Variants in POLR3G observed in about 807,000 individuals in gnomAD.
The protein encoded by POLR3G is DNA-directed RNA polymerase III subunit RPC7.
A neutral mutation model predicts 30.1 loss-of-function variants in POLR3G; 28 were observed. The ratio of observed to expected loss-of-function variants is 0.93; its 90% CI spans 0.69 to 1.27. The LOEUF (loss-of-function observed/expected upper bound fraction) is 1.27, where lower values mean the gene tolerates loss of function less well. Ranked by LOEUF, POLR3G falls within the 50% of genes most tolerant of loss-of-function variation. POLR3G has a pLI of 0.00. For missense variants in POLR3G, 254 were observed against 264.6 expected (o/e 0.96, Z 0.28); for synonymous variants, 79 against 82.5 (o/e 0.96, Z 0.23).
chr5:90,476,783 T>A (rs1750847963), intron 1 of POLR3G, among the ~76,000 whole-genome samples: 1 of 152,208 alleles, frequency 6.6e-6, no homozygotes, highest in Non-Finnish European at 1.5e-5. Context: ...TCTACATGGC[T>A]CTTTGCCTTA....
intron 6 of POLR3G, among the ~76,000 whole-genome samples, chr5:90,503,839 T>C (rs1015850686): frequency 6.6e-6 from 1 of 152,230 alleles, no homozygotes; most frequent in African/African-American, 2.4e-5. Flanking sequence ...TATTTCTGCA[T>C]AACAGGAGGC....
At chr5:90,491,160 T>C (rs1412573648) in intron 3 of POLR3G, among the ~76,000 whole-genome samples, 2 of 152,244 alleles carry the variant, frequency 1.3e-5, no homozygotes, top group African/African-American at 4.8e-5. Flanking sequence ...TTGCGATGTC[T>C]TCAAAGTTTG....
chr5:90,509,686 T>C (rs1022891576), intron 7 of POLR3G, among the ~76,000 whole-genome samples: 2 of 151,988 alleles, frequency 1.3e-5, no homozygotes, highest in African/African-American at 4.8e-5. Context: ...AAAAAGAACA[T>C]GGAGAGAGGC....
At chr5:90,510,530 A>T (rs1752690542) in intron 7 of POLR3G, among the ~76,000 whole-genome samples, 1 of 152,094 alleles carries the variant, frequency 6.6e-6, no homozygotes. Flanking sequence ...TCTCCACTTT[A>T]TGTACAAATC....
intron 3 of POLR3G, 124 bp from the exon 4 acceptor site, chr5:90,495,553 G>A (rs988140569): frequency 1.4e-6 from 2 of 1,439,810 alleles, no homozygotes; most frequent in East Asian, 2.8e-5. Flanking sequence ...GTACAAAGGT[G>A]GGAAACTCCC....
intron 7 of POLR3G, among the ~76,000 whole-genome samples, chr5:90,509,773 TG>T (rs1652436856): frequency 6.6e-6 from 1 of 152,078 alleles, no homozygotes; most frequent in Non-Finnish European, 1.5e-5. Flanking sequence ...GGGTGTTAAG[TG>T]GGCTTGTGTT....
At chr5:90,478,829 C>T (rs1750979638) in intron 1 of POLR3G, among the ~76,000 whole-genome samples, 1 of 151,654 alleles carries the variant, frequency 6.6e-6, no homozygotes. Flanking sequence ...ACTAAAAATG[C>T]AGTGGTTCTT....
chr5:90,490,474 T>C (rs1751667092), intron 3 of POLR3G: 1 of 234,100 alleles, frequency 4.3e-6, no homozygotes, highest in Non-Finnish European at 8.7e-6. Flanking sequence ...CATAACTCAC[T>C]GCAGCTTCCA....
In POLR3G at chr5:90,482,985, A is replaced by G. The variant is rs1321130139; in HGVS notation, c.-43-2540A>G. On this transcript the variant is annotated intron_variant, in intron 1 of 7. Transcript: ENST00000651687. ...GAGAAACCCCGTCTCTACTAAAAAT[A>G]CAAAATTAGACAGGCATGGTGGCGC... Among the ~76,000 whole-genome samples the G allele has an allele frequency of 3.3e-5, 5 of 152,208 alleles. No individual in the cohort carries two copies. The East Asian group carries it at 5.8e-4, about 18-fold the overall frequency.
At chr5:90,507,872 G>C (rs1752564502) in intron 7 of POLR3G, among the ~76,000 whole-genome samples, 1 of 151,914 alleles carries the variant, frequency 6.6e-6, no homozygotes. Flanking sequence ...CAGTACTTCT[G>C]ATCATCTCTT....
Position 90,487,378 on chromosome 5 carries a change from A to ATTTTTTTTTTTTTTTTT in POLR3G, c.118-609_118-593dup, listed in dbSNP as rs59951999. Among the ~76,000 whole-genome samples the ATTTTTTTTTTTTTTTTT allele has an allele frequency of 5.4e-4, 31 of 57,028 alleles. 4 individuals are homozygous for ATTTTTTTTTTTTTTTTT. Among genetic ancestry groups the ATTTTTTTTTTTTTTTTT allele is most frequent in the African/African-American group, 2.4e-3 (30 of 12,634 alleles). The allele number at this position is 57,028 out of a possible 152,430, so 37.4% of individuals were successfully genotyped here. On this transcript the variant is annotated intron_variant, in intron 2 of 7. Coordinates refer to ENST00000651687, the MANE Select transcript of POLR3G (RefSeq NM_006467.3). ...TTTTCTTTTTTTTTTTGGTACATTA[A>ATTTTTTTTTTTTTTTTT]TTTTTTTTTTTTTTTTTTTTTTTTT...
In POLR3G at chr5:90,495,671, C is replaced by T. The variant is rs1038077275; in HGVS notation, c.248-6C>T. ...CTAATGAGTTCTTTATTCTTTTTTC[C>T]CCTAGATATTGAAAGGTATAGTAAA... On this transcript the variant is annotated splice_polypyrimidine_tract_variant and splice_region_variant and intron_variant, in intron 3 of 7. Coordinates refer to ENST00000651687, the MANE Select transcript of POLR3G (RefSeq NM_006467.3). 4 of 1,599,562 alleles carry T rather than the reference C, an allele frequency of 2.5e-6. No homozygotes were observed. Among genetic ancestry groups the T allele is most frequent in the Non-Finnish European group, 3.4e-6 (4 of 1,173,508 alleles).
In POLR3G at chr5:90,492,856, G is replaced by A. The variant is rs879085963; in HGVS notation, c.248-2821G>A. 6.5e-3 allele frequency among the ~76,000 whole-genome samples: 620 copies of A among 94,980 alleles called. 5 individuals are homozygous for A. Among genetic ancestry groups the A allele is most frequent in the Middle Eastern group, 0.014 (3 of 210 alleles). 62.3% of individuals were successfully genotyped at this position (94,980 alleles called of 152,430 possible). On this transcript the variant is annotated intron_variant, in intron 3 of 7. Transcript: ENST00000651687. Reference sequence around the variant, plus strand: ...TGCACTCCAGCCTGGGCAAGACTCCGCCTCAAAAAAAAAAAAAAAAAGTAT... The same window carrying A: ...TGCACTCCAGCCTGGGCAAGACTCCACCTCAAAAAAAAAAAAAAAAAGTAT...
At chr5:90,506,810 C>T (rs1473128769) in intron 7 of POLR3G, 136 bp downstream of exon 7, 24 of 1,310,120 alleles carry the variant, frequency 1.8e-5, no homozygotes, top group Middle Eastern at 2.5e-4. Context: ...TCAATGGCAT[C>T]GATTCCTTGC....
At chr5:90,486,266 C>T (rs1231272674) in intron 2 of POLR3G, among the ~76,000 whole-genome samples, 3 of 152,174 alleles carry the variant, frequency 2.0e-5, no homozygotes, top group African/African-American at 7.2e-5. Context: ...CTGCGTTTTG[C>T]TCTTGGTATT....
intron 3 of POLR3G, among the ~76,000 whole-genome samples, chr5:90,488,365 A>C (rs1751556829): frequency 6.6e-6 from 1 of 152,144 alleles, no homozygotes; most frequent in Non-Finnish European, 1.5e-5. Flanking sequence ...ATTATGAAAA[A>C]CAGGAAAATT....
At chr5:90,494,710 C>A (rs187282009) in intron 3 of POLR3G, among the ~76,000 whole-genome samples, 66 of 152,068 alleles carry the variant, frequency 4.3e-4, no homozygotes, top group Admixed American at 3.8e-3. Context: ...TATTCAAATC[C>A]TTTACCTCTT....
chr5:90,498,540 C>T (rs2151910699), intron 5 of POLR3G, among the ~76,000 whole-genome samples: 1 of 152,228 alleles, frequency 6.6e-6, no homozygotes, highest in Admixed American at 6.5e-5. Flanking sequence ...GTTTTCTGTT[C>T]CTGCATTTAT....
At chr5:90,488,332 A>C (rs561101515) in intron 3 of POLR3G, among the ~76,000 whole-genome samples, 1 of 152,292 alleles carries the variant, frequency 6.6e-6, no homozygotes, top group African/African-American at 2.4e-5. Flanking sequence ...ATCTTTCATT[A>C]TAATTTTATA....
Sources: allele counts gnomAD v4.1 joint callset (sites outside exome capture counted in the v4.1 genomes callset), GRCh38; gene constraint gnomAD v4.1.1; transcripts MANE v1.5; gene names NCBI Gene and HGNC (gene_info 2026-07-23, HGNC 2026-07-21).